Variants in UBE2D2 observed in about 807,000 individuals in gnomAD.
UBE2D2 encodes the protein ubiquitin conjugating enzyme E2 D2, also known as ubiquitin-conjugating enzyme E2 D2.
In UBE2D2, 2 loss-of-function variants were observed where a neutral mutation model predicts 24.2. That is an observed-to-expected ratio of 0.08 (90% CI 0.03 to 0.26). The LOEUF is 0.26. UBE2D2 is among the 10% of genes least tolerant of loss of function. The pLI is 1.00. For missense variants in UBE2D2, 44 were observed against 177.6 expected (o/e 0.25, Z 4.28); for synonymous variants, 58 against 56.5 (o/e 1.03, Z -0.12).
chr5:139,531,239 G>A (rs1752593242), intron 1 of UBE2D2, among the ~76,000 whole-genome samples: 1 of 152,208 alleles, frequency 6.6e-6, no homozygotes, highest in South Asian at 2.1e-4. Flanking sequence ...AAACCCAGTA[G>A]TTAAAAATCA....
intron 1 of UBE2D2, among the ~76,000 whole-genome samples, chr5:139,536,342 GC>G (rs1343122209): frequency 6.7e-6 from 1 of 150,276 alleles, no homozygotes; most frequent in Non-Finnish European, 1.5e-5. Flanking sequence ...TGAGTGATCC[GC>G]CCGCCTCCGC....
intron 1 of UBE2D2, among the ~76,000 whole-genome samples, chr5:139,539,087 C>T (rs889738627): frequency 2.0e-5 from 3 of 151,804 alleles, no homozygotes; most frequent in African/African-American, 7.3e-5. Context: ...TGCAGTGGTG[C>T]GATCTCAGCT....
intron 1 of UBE2D2, among the ~76,000 whole-genome samples, chr5:139,596,494 A>C (rs1039176282): frequency 5.3e-5 from 8 of 151,518 alleles, no homozygotes; most frequent in African/African-American, 1.9e-4. Context: ...GGGTTTCACC[A>C]TGTTGGTCAT....
chr5:139,613,849 G>A (rs1358788181), intron 2 of UBE2D2, among the ~76,000 whole-genome samples: 1 of 152,136 alleles, frequency 6.6e-6, no homozygotes, highest in Non-Finnish European at 1.5e-5. Context: ...TGGATCATCT[G>A]AGGTCAGGAG....
chr5:139,600,560 T>C, intron 2 of UBE2D2, 125 bp downstream of exon 2: 1 of 829,386 alleles, frequency 1.2e-6, no homozygotes. Context: ...AGCAACTCTA[T>C]GTTCATCCCA....
At chr5:139,603,484 G>A (rs60439916) in intron 2 of UBE2D2, among the ~76,000 whole-genome samples, 7,761 of 151,906 alleles carry the variant, frequency 0.051, 242 homozygotes, top group South Asian at 0.11. Context: ...TTAGCTGGGC[G>A]CGGTGGCGCC....
intron 5 of UBE2D2, among the ~76,000 whole-genome samples, chr5:139,616,204 A>T (rs1029172615): frequency 3.2e-4 from 49 of 151,630 alleles, no homozygotes; most frequent in Admixed American, 2.0e-3. Flanking sequence ...TCACGCCTGT[A>T]ATCCCAGCAC....
intron 1 of UBE2D2, among the ~76,000 whole-genome samples, chr5:139,544,351 G>A (rs897562355): frequency 3.7e-4 from 56 of 150,494 alleles, no homozygotes; most frequent in Admixed American, 3.5e-3. Flanking sequence ...GCAATGGCGC[G>A]ATCTCGGATC....
intron 5 of UBE2D2, among the ~76,000 whole-genome samples, chr5:139,615,453 C>G (rs1186107686): frequency 6.6e-6 from 1 of 151,788 alleles, no homozygotes; most frequent in Non-Finnish European, 1.5e-5. Context: ...CCACTGCACT[C>G]CAGCCTGGGC....
intron 1 of UBE2D2, among the ~76,000 whole-genome samples, chr5:139,590,776 CTT>C (rs1198430150): frequency 1.4e-5 from 1 of 73,612 alleles, no homozygotes; most frequent in African/African-American, 5.3e-5. Context: ...GGTATTTTCT[CTT>C]CTTCTTTTTT....
At chr5:139,571,931 A>T (rs1232459632) in intron 1 of UBE2D2, among the ~76,000 whole-genome samples, 3 of 142,200 alleles carry the variant, frequency 2.1e-5, no homozygotes, top group Non-Finnish European at 3.1e-5. Context: ...TTCCCCTATA[A>T]AAAAAAAAAA....
rs759397677 is a variant in UBE2D2 at position 139,561,781 on chromosome 5, C to G, written c.-11C>G. 4 of 1,500,232 alleles carry G rather than the reference C, an allele frequency of 2.7e-6. No individual in the cohort carries two copies. In the Admixed American group the frequency reaches 7.7e-5, roughly 29 times the overall value. 92.9% of individuals were successfully genotyped at this position (1,500,232 alleles called of 1,614,324 possible). On this transcript the variant is annotated 5_prime_UTR_variant, in exon 1 of 7. Coordinates refer to ENST00000398733, the MANE Select transcript of UBE2D2 (RefSeq NM_003339.3). ...CCCCGCCCCGGGGGCCGCCGCCACCCGCCTCCCACCATGGCTCTGAAGAGA... is the reference window on the plus strand; with the variant it reads ...CCCCGCCCCGGGGGCCGCCGCCACCGGCCTCCCACCATGGCTCTGAAGAGA...
At chr5:139,603,257 T>C (rs969908389) in intron 2 of UBE2D2, among the ~76,000 whole-genome samples, 1 of 152,206 alleles carries the variant, frequency 6.6e-6, no homozygotes, top group African/African-American at 2.4e-5. Flanking sequence ...TTCTTTAGCA[T>C]GCTAAAGTAA....
chr5:139,623,874 T>C (rs1242125768), intron 6 of UBE2D2, among the ~76,000 whole-genome samples: 1 of 152,036 alleles, frequency 6.6e-6, no homozygotes, highest in Non-Finnish European at 1.5e-5. Context: ...TTTGTAGTTT[T>C]AGTAGAGACT....
intron 1 of UBE2D2, among the ~76,000 whole-genome samples, chr5:139,530,836 C>T (rs912597079): frequency 2.6e-5 from 4 of 152,092 alleles, no homozygotes; most frequent in African/African-American, 9.7e-5. Flanking sequence ...TGGTTCCCAG[C>T]AATAGGAAAA....
intron 1 of UBE2D2, among the ~76,000 whole-genome samples, chr5:139,593,153 G>A (rs1162634934): frequency 6.6e-6 from 1 of 151,660 alleles, no homozygotes; most frequent in African/African-American, 2.4e-5. Context: ...GCGCCACCAC[G>A]CCCAGCTAAC....
chr5:139,558,556 G>T (rs1258640351), upstream of UBE2D2, among the ~76,000 whole-genome samples: 1 of 152,104 alleles, frequency 6.6e-6, no homozygotes, highest in Non-Finnish European at 1.5e-5. Context: ...CCAAAGTGTT[G>T]GGATTACAGG....
chr5:139,570,323 TCACCAC>T (rs1312470038), intron 1 of UBE2D2, among the ~76,000 whole-genome samples: 1 of 151,996 alleles, frequency 6.6e-6, no homozygotes, highest in African/African-American at 2.4e-5. Context: ...TGTTCTATTC[TCACCAC>T]CACCACCACC....
chr5:139,594,710 G>A (rs991240873), intron 1 of UBE2D2, among the ~76,000 whole-genome samples: 3 of 152,086 alleles, frequency 2.0e-5, no homozygotes, highest in East Asian at 1.9e-4. Context: ...CACCGCACCC[G>A]GTCAATAATC....
Sources: gnomAD v4.1 joint callset for allele counts (sites outside exome capture counted in the v4.1 genomes callset) on GRCh38, gnomAD v4.1.1 for gene constraint, MANE v1.5 for transcripts, NCBI Gene and HGNC (gene_info 2026-07-23, HGNC 2026-07-21) for gene names.